IMMP2L: variants seen among roughly 807,000 people sequenced by gnomAD.
IMMP2L encodes inner mitochondrial membrane peptidase subunit 2.
In IMMP2L, 18 loss-of-function variants were observed where a neutral mutation model predicts 19.3. The observed-to-expected ratio is 0.93, with a 90% CI of 0.64 to 1.38. The LOEUF is 1.38. Among genes scored for constraint, IMMP2L ranks in the 40% most tolerant of loss-of-function variants. IMMP2L has a pLI of 0.00. For synonymous variants in IMMP2L, 76 were observed against 73.0 expected, an observed-to-expected ratio of 1.04 and a Z score of -0.21; for missense variants, 233 against 218.2, an observed-to-expected ratio of 1.07 and a Z score of -0.43.
chr7:111,072,230 T>C (rs190762969), intron 3 of IMMP2L, among the ~76,000 whole-genome samples: 1 of 152,326 alleles, frequency 6.6e-6, no homozygotes, highest in South Asian at 2.1e-4. Context: ...TACAACATCA[T>C]AATAGTACTT....
intron 3 of IMMP2L, among the ~76,000 whole-genome samples, chr7:111,365,438 A>G (rs1190919046): frequency 1.3e-5 from 2 of 152,144 alleles, no homozygotes; most frequent in Non-Finnish European, 2.9e-5. Context: ...CAGCTATTGA[A>G]TTTCCTACAA....
intron 3 of IMMP2L, among the ~76,000 whole-genome samples, chr7:110,982,154 G>A (rs1037008583): frequency 2.0e-5 from 3 of 152,076 alleles, no homozygotes; most frequent in Non-Finnish European, 4.4e-5. Flanking sequence ...TAGAAAACCT[G>A]AGGTAACACA....
chr7:111,021,539 T>C (rs1473277056), intron 3 of IMMP2L, among the ~76,000 whole-genome samples: 1 of 152,162 alleles, frequency 6.6e-6, no homozygotes, highest in Non-Finnish European at 1.5e-5. Flanking sequence ...AAGTCACATC[T>C]TACATGGCAG....
intron 3 of IMMP2L, among the ~76,000 whole-genome samples, chr7:111,215,751 C>G (rs148390755): frequency 5.5e-4 from 84 of 152,100 alleles, no homozygotes; most frequent in Admixed American, 1.0e-3. Flanking sequence ...TGCTCAAATT[C>G]TACTTTCATT....
intron 3 of IMMP2L, among the ~76,000 whole-genome samples, chr7:111,404,279 A>C (rs566547099): frequency 1.5e-4 from 23 of 152,280 alleles, no homozygotes; most frequent in Non-Finnish European, 3.1e-4. Flanking sequence ...AGGAGTGTTC[A>C]GGGGCATTAC....
chr7:110,807,019 C>T lies in IMMP2L; in HGVS notation c.408+79574G>A, dbSNP rs549746733. On this transcript the variant is annotated intron_variant, in intron 5 of 5. Transcript: ENST00000405709. Reference sequence around the variant, plus strand: ...TTCTGATTATCCATGGATGTTGGACCATAATGACCAATCTATGCTAAGTAG... The same window carrying T: ...TTCTGATTATCCATGGATGTTGGACTATAATGACCAATCTATGCTAAGTAG... 2.0e-5 allele frequency among the ~76,000 whole-genome samples: 3 copies of T among 152,020 alleles called. No homozygotes were observed. The East Asian group carries it at 5.8e-4, about 30-fold the overall frequency.
intron 3 of IMMP2L, among the ~76,000 whole-genome samples, chr7:111,279,872 G>C (rs948305561): frequency 6.6e-5 from 10 of 152,088 alleles, no homozygotes; most frequent in Non-Finnish European, 1.5e-4. Context: ...GCATTGCCCA[G>C]TTCATTGCAT....
intron 3 of IMMP2L, among the ~76,000 whole-genome samples, chr7:111,098,615 A>G (rs1411674608): frequency 6.6e-6 from 1 of 151,760 alleles, no homozygotes; most frequent in Non-Finnish European, 1.5e-5. Flanking sequence ...TTTACAACAT[A>G]CAAGCATTTT....
chr7:110,707,015 T>TTA (rs1383547671), intron 5 of IMMP2L, among the ~76,000 whole-genome samples: 32 of 140,606 alleles, frequency 2.3e-4, no homozygotes, highest in African/African-American at 7.9e-4. Flanking sequence ...TTTTTTTTTT[T>TTA]TTATTATACT....
chr7:110,994,133 C>CT (rs532276576), intron 3 of IMMP2L, among the ~76,000 whole-genome samples: 26,477 of 149,348 alleles, frequency 0.18, 3,631 homozygotes, highest in African/African-American at 0.38. Context: ...TACTCTCTCT[C>CT]TTTTTTTTTT....
At chr7:111,048,164 C>G (rs143862068) in intron 3 of IMMP2L, among the ~76,000 whole-genome samples, 2 of 129,950 alleles carry the variant, frequency 1.5e-5, no homozygotes, top group Non-Finnish European at 3.1e-5. Context: ...GGCGTGAACC[C>G]GGGAGGCAGA....
chr7:111,115,972 C>T (rs202033973), intron 3 of IMMP2L, among the ~76,000 whole-genome samples: 51 of 152,272 alleles, frequency 3.3e-4, no homozygotes, highest in East Asian at 1.2e-3. Context: ...CCACCACATC[C>T]GGCCGGAATT....
intron 3 of IMMP2L, among the ~76,000 whole-genome samples, chr7:111,271,361 A>T (rs962152984): frequency 6.6e-6 from 1 of 152,166 alleles, no homozygotes; most frequent in Non-Finnish European, 1.5e-5. Flanking sequence ...CACCCAATGG[A>T]AGAATGGACA....
intron 5 of IMMP2L, among the ~76,000 whole-genome samples, chr7:110,797,466 C>G (rs1800938084): frequency 6.6e-6 from 1 of 151,884 alleles, no homozygotes; most frequent in South Asian, 2.1e-4. Context: ...TTCCCTTCTC[C>G]CTGATGTAAT....
At position 110,850,515 on chromosome 7, in the gene IMMP2L, C is replaced by T. The variant is rs185301462; in HGVS notation, c.408+36078G>A. ...CCAAGAGCCCATACATTGACTCTGG[C>T]TGCACTGCCTATGAGTTAGTCCTGC... On this transcript the variant is annotated intron_variant, in intron 5 of 5. Coordinates refer to ENST00000405709, the MANE Select transcript of IMMP2L (RefSeq NM_032549.4). 2.0e-4 allele frequency among the ~76,000 whole-genome samples: 31 copies of T among 152,186 alleles called. 1 individual carries two copies. The highest frequency in any genetic ancestry group is 2.0e-3 in the Admixed American group (31 of 15,270).
intron 3 of IMMP2L, among the ~76,000 whole-genome samples, chr7:111,045,804 T>C (rs1221696231): frequency 6.6e-6 from 1 of 152,158 alleles, no homozygotes; most frequent in Non-Finnish European, 1.5e-5. Context: ...GTGAAACACA[T>C]CAGACTTCTG....
At chr7:111,443,018 A>T (rs1008683623) in intron 3 of IMMP2L, among the ~76,000 whole-genome samples, 5 of 151,952 alleles carry the variant, frequency 3.3e-5, no homozygotes, top group Admixed American at 6.5e-5. Context: ...TTCGCTTCAG[A>T]CATACTGAGG....
intron 5 of IMMP2L, among the ~76,000 whole-genome samples, chr7:110,812,158 T>A (rs1802088235): frequency 6.6e-6 from 1 of 152,080 alleles, no homozygotes; most frequent in Admixed American, 6.6e-5. Context: ...ATATAGGAAG[T>A]GAATCTCTTT....
intron 3 of IMMP2L, among the ~76,000 whole-genome samples, chr7:111,421,371 G>C (rs1382611996): frequency 1.4e-5 from 2 of 146,750 alleles, no homozygotes; most frequent in African/African-American, 5.1e-5. Flanking sequence ...CCGGGTTCAC[G>C]CCATTCTCCT....
Sources: allele counts gnomAD v4.1 joint callset (sites outside exome capture counted in the v4.1 genomes callset), GRCh38; gene constraint gnomAD v4.1.1; transcripts MANE v1.5; gene names NCBI Gene and HGNC (gene_info 2026-07-23, HGNC 2026-07-21).